The following TECRL variants were observed in gnomAD, a reference collection of about 807,000 sequenced individuals.
TECRL encodes the protein trans-2,3-enoyl-CoA reductase like.
Under a neutral mutation model 52.8 loss-of-function variants are expected in TECRL, and 63 were observed. That is an observed-to-expected ratio of 1.19 (90% CI 0.97 to 1.47). TECRL has a LOEUF of 1.47. Among genes scored for constraint, TECRL ranks in the 40% most tolerant of loss-of-function variants. The pLI is 0.00. For synonymous variants in TECRL, 164 were observed against 141.9 expected, an observed-to-expected ratio of 1.16 and a Z score of -1.10; for missense variants, 482 against 429.6, an observed-to-expected ratio of 1.12 and a Z score of -1.08.
rs113740425 is a variant in TECRL, at chr4:64,310,000, A to G, written c.552-69T>C. 13 of 975,338 alleles carry G rather than the reference A, an allele frequency of 1.3e-5. No individual in the cohort carries two copies. In the African/African-American group the frequency reaches 1.7e-4, roughly 13 times the overall value. The allele number at this position is 975,338 out of a possible 1,614,324, so 60.4% of individuals were successfully genotyped here. On this transcript the variant is annotated intron_variant, in intron 5 of 11. Transcript: ENST00000381210. Reference sequence around the variant, plus strand: ...TTCTGGCTTGCCTCATGCATGATACATTTTAATTTTTTTAGTTTAATATGC... The same window carrying G: ...TTCTGGCTTGCCTCATGCATGATACGTTTTAATTTTTTTAGTTTAATATGC...
At chr4:64,314,795 T>G in intron 4 of TECRL, 32 bp from the exon 5 acceptor site, 2 of 1,447,828 alleles carry the variant, frequency 1.4e-6, no homozygotes, top group South Asian at 2.3e-5. Flanking sequence ...GATTAAACGA[T>G]AAAAATAGAT....
intron 1 of TECRL, among the ~76,000 whole-genome samples, chr4:64,377,728 C>CA (rs1722501703): frequency 6.6e-6 from 1 of 152,056 alleles, no homozygotes; most frequent in East Asian, 1.9e-4. Context: ...TTGATGAAAA[C>CA]AAAAAAGCTT....
intron 7 of TECRL, among the ~76,000 whole-genome samples, chr4:64,300,908 G>C (rs1014248333): frequency 1.3e-5 from 2 of 150,990 alleles, no homozygotes; most frequent in Non-Finnish European, 3.0e-5. Flanking sequence ...GGCTGAAAAG[G>C]TCACTTTAAT....
At chr4:64,283,682 C>G (rs925425589) in intron 9 of TECRL, among the ~76,000 whole-genome samples, 34 of 151,926 alleles carry the variant, frequency 2.2e-4, no homozygotes, top group Non-Finnish European at 4.6e-4. Context: ...AGCTAAGGAA[C>G]AGGTCCAGGT....
rs150558959 is a variant in TECRL, at chr4:64,332,491, G to C, written c.287-3935C>G. ...TAAATTTTTTCATATATAATACCAG[G>C]CCTCAATAAAATAGAACGAAGAATG... On this transcript the variant is annotated intron_variant, in intron 2 of 11. Transcript: ENST00000381210. Among the ~76,000 whole-genome samples the C allele has an allele frequency of 3.2e-3, 482 of 152,104 alleles. 1 individual carries two copies. The highest frequency in any genetic ancestry group is 0.017 in the Middle Eastern group (5 of 294).
At chr4:64,372,398 C>A (rs145525172) in intron 2 of TECRL, among the ~76,000 whole-genome samples, 1,879 of 151,870 alleles carry the variant, frequency 0.012, 46 homozygotes, top group African/African-American at 0.043. Flanking sequence ...GAAAAACATT[C>A]CTCTCTCCTT....
intron 9 of TECRL, 116 bp from the exon 10 acceptor site, chr4:64,281,675 C>T (rs949345251): frequency 1.7e-5 from 10 of 572,440 alleles, no homozygotes; most frequent in South Asian, 8.9e-5. Context: ...AATGTCATCA[C>T]GTATTTATAG....
chr4:64,395,177 C>T (rs1161049344), intron 1 of TECRL, among the ~76,000 whole-genome samples: 2 of 151,972 alleles, frequency 1.3e-5, no homozygotes, highest in Non-Finnish European at 2.9e-5. Context: ...GTCTCAGCCC[C>T]CCAAATTGCT....
chr4:64,318,580 G>C (rs1717670347), intron 4 of TECRL, among the ~76,000 whole-genome samples: 1 of 151,744 alleles, frequency 6.6e-6, no homozygotes, highest in South Asian at 2.1e-4. Flanking sequence ...AACCAAACAA[G>C]AATTGTTTAG....
chr4:64,287,279 T>C (rs938466899), intron 9 of TECRL, among the ~76,000 whole-genome samples: 7 of 152,160 alleles, frequency 4.6e-5, no homozygotes, highest in African/African-American at 1.7e-4. Flanking sequence ...ATGTAATGTG[T>C]AATAACAAAC....
intron 1 of TECRL, among the ~76,000 whole-genome samples, chr4:64,375,941 A>T (rs887976080): frequency 2.6e-5 from 4 of 151,884 alleles, no homozygotes; most frequent in African/African-American, 9.7e-5. Flanking sequence ...TTGTCTCAAA[A>T]GACATTTTAT....
rs1722660694 is a variant in TECRL, at chr4:64,278,518, T to C, written c.*1554A>G. 4.9e-6 allele frequency: 1 copy of C among 203,480 alleles called. No individual in the cohort carries two copies. The highest frequency in any genetic ancestry group is 2.4e-5 in the African/African-American group (1 of 42,412). 12.6% of individuals were successfully genotyped at this position (203,480 alleles called of 1,614,324 possible). A position where few individuals can be genotyped will look rare whatever the true frequency, so the allele number is the denominator to read the frequency against. On this transcript the variant is annotated 3_prime_UTR_variant, in exon 12 of 12. Coordinates refer to ENST00000381210, the MANE Select transcript of TECRL (RefSeq NM_001010874.5). ...ATAAGAATTGAACATATTTGGGAGA[T>C]ACATAATAATGTTTCAATACATATA...
chr4:64,334,815 G>T (rs1718928036), intron 2 of TECRL, among the ~76,000 whole-genome samples: 1 of 152,164 alleles, frequency 6.6e-6, no homozygotes, highest in East Asian at 1.9e-4. Context: ...ATTAAGTGGG[G>T]CAGGAAGACA....
chr4:64,317,499 T>C (rs1453504522), intron 4 of TECRL, among the ~76,000 whole-genome samples: 1 of 152,162 alleles, frequency 6.6e-6, no homozygotes, highest in Non-Finnish European at 1.5e-5. Context: ...AATGTATATT[T>C]CAGAATTGTT....
chr4:64,286,468 C>T (rs886869689), intron 9 of TECRL, among the ~76,000 whole-genome samples: 1 of 151,702 alleles, frequency 6.6e-6, no homozygotes, highest in African/African-American at 2.4e-5. Context: ...CAGTGTAACC[C>T]CCCTATACTC....
At chr4:64,357,499 C>T (rs973565265) in intron 2 of TECRL, among the ~76,000 whole-genome samples, 1 of 151,280 alleles carries the variant, frequency 6.6e-6, no homozygotes, top group Non-Finnish European at 1.5e-5. Context: ...AGAATTAATT[C>T]TCTGATATTC....
intron 5 of TECRL, 47 bp from the exon 6 acceptor site, chr4:64,309,978 T>C: frequency 7.7e-7 from 1 of 1,292,212 alleles, no homozygotes; most frequent in Non-Finnish European, 1.1e-6. Flanking sequence ...TTTGAAGTTC[T>C]GGCTTGCCTC....
chr4:64,344,153 A>G (rs759854921), intron 2 of TECRL, among the ~76,000 whole-genome samples: 8 of 150,924 alleles, frequency 5.3e-5, no homozygotes, highest in Non-Finnish European at 1.0e-4. Flanking sequence ...ATAGGAAAAA[A>G]CTCATATATA....
At chr4:64,375,410 T>A (rs949909553) in intron 1 of TECRL, among the ~76,000 whole-genome samples, 187 bp from the exon 2 acceptor site, 19 of 152,080 alleles carry the variant, frequency 1.2e-4, no homozygotes, top group African/African-American at 3.1e-4. Context: ...TATAATTTTT[T>A]AAAAAAATTT....
Sources: gnomAD v4.1 joint callset for allele counts (sites outside exome capture counted in the v4.1 genomes callset) on GRCh38, gnomAD v4.1.1 for gene constraint, MANE v1.5 for transcripts, NCBI Gene and HGNC (gene_info 2026-07-23, HGNC 2026-07-21) for gene names.